The following ITPR1 variants were observed in gnomAD, a reference collection of about 807,000 sequenced individuals.
ITPR1 encodes inositol 1,4,5-trisphosphate receptor type 1.
In ITPR1, 96 loss-of-function variants were observed where a neutral mutation model predicts 318.4. That is an observed-to-expected ratio of 0.30 (90% confidence interval 0.26 to 0.36). The LOEUF (loss-of-function observed/expected upper bound fraction) is 0.36. ITPR1 is among the 10% of genes least tolerant of loss of function. ITPR1 has a pLI of 1.00. For synonymous variants in ITPR1, 1,312 were observed against 1,289.9 expected, an observed-to-expected ratio of 1.02 and a Z score of -0.37; for missense variants, 2,440 against 3,460.2, an observed-to-expected ratio of 0.71 and a Z score of 7.40.
At chr3:4,658,743 A>G (rs1227677908) in intron 13 of ITPR1, among the ~76,000 whole-genome samples, 1 of 152,096 alleles carries the variant, frequency 6.6e-6, no homozygotes, top group African/African-American at 2.4e-5. Context: ...AGAAATCTTT[A>G]GTTATTTTTT....
chr3:4,679,975 A>T (rs1252170927), intron 24 of ITPR1, among the ~76,000 whole-genome samples: 1 of 152,110 alleles, frequency 6.6e-6, no homozygotes, highest in East Asian at 1.9e-4. Context: ...CAGCTGCTCA[A>T]TCTTTCTTTT....
chr3:4,613,501 G>T (rs1248195248), intron 4 of ITPR1, among the ~76,000 whole-genome samples: 1 of 152,134 alleles, frequency 6.6e-6, no homozygotes. Flanking sequence ...CTAGGCACTT[G>T]TCCTTGGGCC....
At chr3:4,754,938 G>T (rs1355361548) in intron 44 of ITPR1, among the ~76,000 whole-genome samples, 1 of 152,196 alleles carries the variant, frequency 6.6e-6, no homozygotes, top group African/African-American at 2.4e-5. Flanking sequence ...AGACGGCTGT[G>T]CCGTGTATCC....
At chr3:4,564,170 A>G (rs1038980144) in intron 4 of ITPR1, among the ~76,000 whole-genome samples, 6 of 151,788 alleles carry the variant, frequency 4.0e-5, no homozygotes, top group African/African-American at 1.5e-4. Flanking sequence ...CGAGCTCCTG[A>G]CCTCAGCTGA....
intron 4 of ITPR1, among the ~76,000 whole-genome samples, chr3:4,612,168 T>C (rs1011353159): frequency 6.7e-6 from 1 of 148,832 alleles, no homozygotes; most frequent in African/African-American, 2.5e-5. Flanking sequence ...TTCAAGCAAT[T>C]CTCCTGCCTC....
At chr3:4,843,603 A>C (rs2051535305) in intron 61 of ITPR1, among the ~76,000 whole-genome samples, 2 of 152,176 alleles carry the variant, frequency 1.3e-5, no homozygotes, top group Admixed American at 1.3e-4. Context: ...AAGTTTGAGA[A>C]CCATTCTTCT....
intron 4 of ITPR1, among the ~76,000 whole-genome samples, chr3:4,613,165 G>A (rs1247184568): frequency 2.0e-5 from 3 of 152,220 alleles, no homozygotes; most frequent in Non-Finnish European, 4.4e-5. Context: ...ACAACTCAAA[G>A]TGGGGGCTTC....
At chr3:4,762,386 A>G (rs1438015726) in intron 44 of ITPR1, among the ~76,000 whole-genome samples, 2 of 152,166 alleles carry the variant, frequency 1.3e-5, no homozygotes, top group Non-Finnish European at 2.9e-5. Flanking sequence ...CATTTTGCAG[A>G]TGAGAAGATT....
chr3:4,663,582 C>G (rs116182000), intron 16 of ITPR1, among the ~76,000 whole-genome samples: 1 of 152,124 alleles, frequency 6.6e-6, no homozygotes, highest in South Asian at 2.1e-4. Flanking sequence ...ACACACTTGG[C>G]CTCCCCCACT....
At chr3:4,540,823 G>A (rs1041608195) in intron 4 of ITPR1, among the ~76,000 whole-genome samples, 1 of 152,120 alleles carries the variant, frequency 6.6e-6, no homozygotes, top group African/African-American at 2.4e-5. Flanking sequence ...CTATCCACCT[G>A]CCTCAGGCTC....
chr3:4,650,891 A>T (rs2093583402), intron 10 of ITPR1, among the ~76,000 whole-genome samples: 1 of 152,092 alleles, frequency 6.6e-6, no homozygotes, highest in Admixed American at 6.5e-5. Context: ...TTGTAATACA[A>T]GTTTGTTGAG....
chr3:4,681,595 G>A (rs2094299191), intron 26 of ITPR1, among the ~76,000 whole-genome samples, 177 bp downstream of exon 26: 1 of 136,678 alleles, frequency 7.3e-6, no homozygotes, highest in South Asian at 2.6e-4. Context: ...ATTGGGAGGA[G>A]AGAGAGAGTG....
intron 31 of ITPR1, among the ~76,000 whole-genome samples, chr3:4,690,812 G>C (rs1352335204): frequency 6.6e-6 from 1 of 152,166 alleles, no homozygotes; most frequent in East Asian, 1.9e-4. Context: ...AACTAATCTG[G>C]TTATATAAGT....
intron 12 of ITPR1, among the ~76,000 whole-genome samples, chr3:4,654,311 A>T (rs17041113): frequency 6.6e-6 from 1 of 152,198 alleles, no homozygotes; most frequent in Admixed American, 6.5e-5. Context: ...GAGGCTATGG[A>T]GGTAACACAT....
At chr3:4,521,589 C>T (rs893303289) in intron 4 of ITPR1, among the ~76,000 whole-genome samples, 1 of 152,114 alleles carries the variant, frequency 6.6e-6, no homozygotes, top group African/African-American at 2.4e-5. Flanking sequence ...GTGGCGCATG[C>T]TTGTAATCTC....
chr3:4,802,960 A>G (rs1434170203), intron 54 of ITPR1, among the ~76,000 whole-genome samples: 1 of 152,194 alleles, frequency 6.6e-6, no homozygotes, highest in Non-Finnish European at 1.5e-5. Context: ...GTTCGTTCTC[A>G]CATTGCTATA....
chr3:4,508,410 G>A (rs936301038), intron 2 of ITPR1, among the ~76,000 whole-genome samples: 3 of 146,440 alleles, frequency 2.0e-5, no homozygotes, highest in Admixed American at 6.8e-5. Flanking sequence ...AGTTTCAGGA[G>A]TTGTTAACTT....
At position 4,511,342 on chromosome 3, in the gene ITPR1, A is replaced by G. The variant is rs2081810473; in HGVS notation, c.-16-5134A>G. Among the ~76,000 whole-genome samples the G allele has an allele frequency of 4.6e-5, 7 of 152,106 alleles. No individual in the cohort carries two copies. The South Asian group carries it at 1.2e-3, about 27-fold the overall frequency. On this transcript the variant is annotated intron_variant, in intron 2 of 61. Coordinates refer to ENST00000649015, the MANE Select transcript of ITPR1 (RefSeq NM_001378452.1). ...ACGCACAGCTCAGGGAGCAATTTCA[A>G]TAGAGGGCAAAGGGAAGCTCAGCCA...
At chr3:4,689,299 A>G (rs1475031173) in intron 31 of ITPR1, among the ~76,000 whole-genome samples, 1 of 131,364 alleles carries the variant, frequency 7.6e-6, no homozygotes, top group Non-Finnish European at 1.8e-5. Flanking sequence ...TGCAAAGGAC[A>G]TCTTTGTGCA....
Sources: gnomAD v4.1 joint callset for allele counts (sites outside exome capture counted in the v4.1 genomes callset) on GRCh38, gnomAD v4.1.1 for gene constraint, MANE v1.5 for transcripts, NCBI Gene and HGNC (gene_info 2026-07-23, HGNC 2026-07-21) for gene names.